The following PALB2 variants were observed in gnomAD, a reference collection of about 807,000 sequenced individuals.
PALB2 encodes the protein mutant partner and localizer of BRCA2.
PALB2 carries 82 observed loss-of-function variants against 107.4 expected under a neutral mutation model. The observed-to-expected ratio is 0.76, with a 90% confidence interval of 0.64 to 0.92. The LOEUF (loss-of-function observed/expected upper bound fraction) is 0.92. Among genes scored for constraint, PALB2 ranks in the 40% least tolerant of loss-of-function variants. The pLI, the probability that PALB2 is intolerant of heterozygous loss-of-function variation, is 0.00. For missense variants in PALB2, 1,374 were observed against 1,379.9 expected, an observed-to-expected ratio of 1.00 and a Z score of 0.07; for synonymous variants, 489 against 496.8, an observed-to-expected ratio of 0.98 and a Z score of 0.21.
chr16:23,611,861 C>A (rs1029390927), intron 11 of PALB2, among the ~76,000 whole-genome samples: 1 of 152,214 alleles, frequency 6.6e-6, no homozygotes, highest in South Asian at 2.1e-4. Context: ...TCCAGTGATC[C>A]TCTCACTGGA....
intron 12 of PALB2, among the ~76,000 whole-genome samples, chr16:23,604,898 ACC>A (rs913910185): frequency 6.1e-4 from 92 of 151,410 alleles, no homozygotes; most frequent in African/African-American, 2.1e-3. Flanking sequence ...ACATGGTGAA[ACC>A]CCGTCTCTAC....
At chr16:23,628,676 C>T (rs1285449716) in intron 6 of PALB2, among the ~76,000 whole-genome samples, 1 of 152,172 alleles carries the variant, frequency 6.6e-6, no homozygotes, top group East Asian at 1.9e-4. Context: ...GTCTCACTCG[C>T]CCAGGCTGGA....
intron 11 of PALB2, among the ~76,000 whole-genome samples, chr16:23,609,053 C>T (rs1439503444): frequency 6.6e-6 from 1 of 152,020 alleles, no homozygotes; most frequent in Non-Finnish European, 1.5e-5. Context: ...GTCTCGATCT[C>T]CTGACCTTGT....
At chr16:23,605,391 A>G (rs1241954006) in intron 12 of PALB2, among the ~76,000 whole-genome samples, 1 of 151,142 alleles carries the variant, frequency 6.6e-6, no homozygotes, top group Non-Finnish European at 1.5e-5. Flanking sequence ...TTTCCATAAA[A>G]TTAGAAATAA....
intron 12 of PALB2, among the ~76,000 whole-genome samples, chr16:23,604,701 G>C (rs1461720950): frequency 1.3e-5 from 2 of 152,076 alleles, no homozygotes; most frequent in East Asian, 1.9e-4. Flanking sequence ...GGGAGGTGGA[G>C]GTTGCAGTGA....
rs876658653 is a variant in PALB2 at position 23,638,107 on chromosome 16, A to G, written c.71T>C (p.Leu24Ser). The G allele has an allele frequency of 3.7e-6, 6 of 1,614,024 alleles. No homozygotes were observed. Among genetic ancestry groups the G allele is most frequent in the Non-Finnish European group, 5.1e-6 (6 of 1,179,902 alleles). Residue 24 changes from leucine to serine, a missense_variant, in exon 2 of 13, where the codon TTG (leucine) becomes TCG (serine). Leu to Ser is a moderately radical substitution (Grantham distance 145, BLOSUM62 -2). Transcript: ENST00000261584. ...TAGTGTCTTGCTGTATTCCCTTTTC[A>G]AGAATGCTAATTTCTCCTTTAACTG... ...KEKLKEKLAFLKREYSKTLAR... is the reference protein window; with the variant it reads ...KEKLKEKLAFSKREYSKTLAR...
At chr16:23,610,780 G>A (rs540757192) in intron 11 of PALB2, among the ~76,000 whole-genome samples, 2 of 152,010 alleles carry the variant, frequency 1.3e-5, no homozygotes, top group Middle Eastern at 3.4e-3. Flanking sequence ...GCTTACGCCT[G>A]TAATCCCAGC....
rs750650768 is a variant in PALB2 at position 23,629,642 on chromosome 16, G to C, written c.2512C>G (p.Gln838Glu). 6 of 1,613,600 alleles carry C rather than the reference G, an allele frequency of 3.7e-6. No homozygotes were observed. The highest frequency in any genetic ancestry group is 5.1e-6 in the Non-Finnish European group (6 of 1,179,744). ...TTCACAGAGGAAATGGATTGTACCT[G>C]TTCGACGGAATGTTTATGCAGCTCC... ...CQELHKHSVE[Q>E]TETAELPASD... Residue 838 changes from glutamine (Q) to glutamate (E), a missense_variant and splice_region_variant, in exon 5 of 13, where the codon CAG becomes GAG. Physicochemically the swap from Gln to Glu is conservative, Grantham distance 29. Coordinates refer to ENST00000261584, the MANE Select transcript of PALB2 (RefSeq NM_024675.4).
At chr16:23,609,557 G>A (rs1300880565) in intron 11 of PALB2, among the ~76,000 whole-genome samples, 5 of 151,910 alleles carry the variant, frequency 3.3e-5, no homozygotes, top group South Asian at 2.1e-4. Context: ...TTGCACTGTC[G>A]CCCAGGCTGG....
At position 23,636,379 on chromosome 16, in the gene PALB2, A is replaced by G. The variant is rs528563270; in HGVS notation, c.212-45T>C. The G allele has an allele frequency of 3.5e-4, 457 of 1,322,368 alleles. 4 individuals carry two copies. The South Asian group carries it at 6.4e-3, about 19-fold the overall frequency. The allele number at this position is 1,322,368 out of a possible 1,614,324, so 81.9% of individuals were successfully genotyped here. On this transcript the variant is annotated intron_variant, in intron 3 of 12. Coordinates refer to ENST00000261584, the MANE Select transcript of PALB2 (RefSeq NM_024675.4). ...ATATAACTTATATTTTTCTTATAAA[A>G]TAAAACAAAAAATACTCATTTTTAA...
At position 23,635,373 on chromosome 16, in the gene PALB2, T is replaced by C. The variant is rs1346057856; in HGVS notation, c.1173A>G (p.Ala391=). The change falls in exon 4 of 13, where the codon GCA becomes GCG. Residue 391 remains alanine (A), a synonymous_variant. Coordinates refer to ENST00000261584, the MANE Select transcript of PALB2 (RefSeq NM_024675.4). ...CAGGCACTGTGCAAGAATGTTTTTC[T>C]GCAGAAAGAGGAGAGGTTGCTTCCA... ...LSLEATSPLS[A]EKHSCTVPEG... is the part of the protein sequence containing the mutation. 1 of 1,613,932 alleles carries C rather than the reference T, an allele frequency of 6.2e-7. No individual in the cohort carries two copies. The highest frequency in any genetic ancestry group is 1.3e-5 in the African/African-American group (1 of 74,952).
chr16:23,618,454 A>T (rs1220584007), intron 10 of PALB2, among the ~76,000 whole-genome samples: 1 of 152,210 alleles, frequency 6.6e-6, no homozygotes, highest in Non-Finnish European at 1.5e-5. Context: ...TGGAGAGGAC[A>T]TTTTTGTACT....
Position 23,636,159 on chromosome 16 carries a change from G to A in PALB2, c.387C>T (p.Pro129=), listed in dbSNP as rs1253286227. Residue 129 remains proline, a synonymous_variant, in exon 4 of 13, where the codon CCC becomes CCT. Coordinates refer to ENST00000261584, the MANE Select transcript of PALB2 (RefSeq NM_024675.4). ...CACCACTAGGGTCACTGACCCTGTG[G>A]GGAAAATGTTCTTGGGTGTCATCTG... ...QRTDDTQEHF[P]HRVSDPSGEQ... 1 of 1,612,252 alleles carries A rather than the reference G, an allele frequency of 6.2e-7. No homozygotes were observed. The highest frequency in any genetic ancestry group is 8.5e-7 in the Non-Finnish European group (1 of 1,179,354).
In PALB2 at chr16:23,623,129, C is replaced by A. The variant is rs878855113; in HGVS notation, c.2836G>T (p.Ala946Ser). 1.9e-6 allele frequency: 3 copies of A among 1,613,202 alleles called. No individual in the cohort carries two copies. The highest frequency in any genetic ancestry group is 2.2e-5 in the East Asian group (1 of 44,870). Residue 946 changes from alanine to serine, a missense_variant and splice_region_variant, in exon 9 of 13, where the codon GCA becomes TCA. Transcript: ENST00000261584. Reference protein sequence around the residue: ...LGNLEIREIRALFCSSDDESE... With the variant: ...LGNLEIREIRSLFCSSDDESE... Reference sequence around the variant, plus strand: ...TCATCATCAGAGGAACAAAACAATGCCCTAAGCCAAATATAAGGAAAAATG... The same window carrying A: ...TCATCATCAGAGGAACAAAACAATGACCTAAGCCAAATATAAGGAAAAATG...
chr16:23,623,837 A>G, intron 8 of PALB2, 172 bp downstream of exon 8: 1 of 621,432 alleles, frequency 1.6e-6, no homozygotes, highest in Non-Finnish European at 2.8e-6. Context: ...CATTTTAAAT[A>G]GAAACTTCAG....
rs1250453452 is a variant in PALB2 at position 23,636,321 on chromosome 16, T to G, written c.225A>C (p.Lys75Asn). Residue 75 changes from lysine to asparagine, a missense_variant, in exon 4 of 13, where the codon AAA becomes AAC. Physicochemically the swap from Lys to Asn is moderately conservative, Grantham distance 94. Transcript: ENST00000261584. ...PQLKHSEPKN[K>N]ICVYDKLHIK... ...TGTGTAACTTGTCATAAACACATAT[T>G]TTATTTTTAGGTTCTGAGGAGGAAA... The G allele has an allele frequency of 3.7e-6, 6 of 1,608,448 alleles. No homozygotes were observed. Among genetic ancestry groups the G allele is most frequent in the Non-Finnish European group, 5.1e-6 (6 of 1,177,130 alleles).
chr16:23,639,449 C>T (rs747118999), intron 1 of PALB2, among the ~76,000 whole-genome samples: 41 of 138,206 alleles, frequency 3.0e-4, no homozygotes, highest in South Asian at 2.6e-4. Context: ...AACCCGGAGG[C>T]GGAGGTTGCA....
chr16:23,609,673 A>T (rs1007525577), intron 11 of PALB2, among the ~76,000 whole-genome samples: 1 of 151,980 alleles, frequency 6.6e-6, no homozygotes, highest in African/African-American at 2.4e-5. Flanking sequence ...GCCCGCCACC[A>T]CGCCCGGCTA....
chr16:23,609,720 G>A (rs928537811), intron 11 of PALB2, among the ~76,000 whole-genome samples: 1 of 152,124 alleles, frequency 6.6e-6, no homozygotes, highest in Non-Finnish European at 1.5e-5. Context: ...GTTTCACTGT[G>A]TTAGCCAGGA....
Sources: gnomAD v4.1 joint callset for allele counts (sites outside exome capture counted in the v4.1 genomes callset) on GRCh38, gnomAD v4.1.1 for gene constraint, MANE v1.5 for transcripts, NCBI Gene and HGNC (gene_info 2026-07-23, HGNC 2026-07-21) for gene names.